The following FYN variants were observed in gnomAD, a reference collection of about 807,000 sequenced individuals.
FYN encodes FYN proto-oncogene, Src family tyrosine kinase.
FYN carries 10 observed loss-of-function variants against 70.2 expected under a neutral mutation model. That is an observed-to-expected ratio of 0.14 (90% CI 0.09 to 0.24). The LOEUF is 0.24. Among genes scored for constraint, FYN ranks in the 10% least tolerant of loss-of-function variants. The pLI is 1.00. For synonymous variants in FYN, 236 were observed against 248.6 expected (o/e 0.95, Z 0.48); for missense variants, 319 against 673.1 (o/e 0.47, Z 5.82).
At chr6:111,847,678 A>G (rs1016208941) in intron 1 of FYN, among the ~76,000 whole-genome samples, 4 of 152,124 alleles carry the variant, frequency 2.6e-5, no homozygotes, top group Non-Finnish European at 5.9e-5. Context: ...CACACACACA[A>G]GAATTTTTGC....
chr6:111,682,288 G>A (rs572139654), intron 12 of FYN, among the ~76,000 whole-genome samples: 1 of 152,236 alleles, frequency 6.6e-6, no homozygotes, highest in African/African-American at 2.4e-5. Flanking sequence ...TCATACGACA[G>A]CACAGCCTGA....
rs148090425 is a variant in FYN, at chr6:111,722,313, T to C, written c.-11-2251A>G. On this transcript the variant is annotated intron_variant, in intron 3 of 13. Coordinates refer to ENST00000354650, the MANE Select transcript of FYN (RefSeq NM_002037.5). The stretch of plus-strand genomic sequence containing the variant: ...AACTTACAGTATACCGTGCCCAACA[T>C]GCTTTGTAACTTATGGTAAATGGAT... 2.7e-3 allele frequency among the ~76,000 whole-genome samples: 411 copies of C among 152,318 alleles called. 2 individuals are homozygous for C. The highest frequency in any genetic ancestry group is 9.6e-3 in the African/African-American group (397 of 41,560).
At chr6:111,774,696 C>T (rs894217731) in intron 3 of FYN, among the ~76,000 whole-genome samples, 3 of 151,716 alleles carry the variant, frequency 2.0e-5, no homozygotes, top group Admixed American at 2.0e-4. Flanking sequence ...GCAGCTTTTT[C>T]CCCCCCTACT....
chr6:111,721,088 C>T (rs1382244347), intron 3 of FYN, among the ~76,000 whole-genome samples: 1 of 152,168 alleles, frequency 6.6e-6, no homozygotes, highest in East Asian at 1.9e-4. Context: ...CACTTTTTCC[C>T]CTTCCTCTTT....
At chr6:111,753,327 T>C (rs930645988) in intron 3 of FYN, among the ~76,000 whole-genome samples, 7 of 152,090 alleles carry the variant, frequency 4.6e-5, no homozygotes, top group Non-Finnish European at 7.4e-5. Context: ...GGGAATAAGA[T>C]AGGAAAATGT....
intron 12 of FYN, among the ~76,000 whole-genome samples, chr6:111,692,476 C>T (rs1799378159): frequency 6.6e-6 from 1 of 152,066 alleles, no homozygotes; most frequent in Non-Finnish European, 1.5e-5. Context: ...TCACCTAGGG[C>T]CACAGCCTGA....
intron 3 of FYN, among the ~76,000 whole-genome samples, chr6:111,722,693 G>T (rs1239866889): frequency 6.6e-6 from 1 of 152,124 alleles, no homozygotes; most frequent in African/African-American, 2.4e-5. Flanking sequence ...GACATTTTGG[G>T]TTGTCACACT....
chr6:111,773,630 A>AGAGGGG (rs1803587376), intron 3 of FYN, among the ~76,000 whole-genome samples: 1 of 18,546 alleles, frequency 5.4e-5, no homozygotes, highest in Non-Finnish European at 8.1e-5. Flanking sequence ...GGGGGAAAGG[A>AGAGGGG]GAGGGGGAGG....
intron 3 of FYN, among the ~76,000 whole-genome samples, chr6:111,777,272 A>G (rs552871728): frequency 6.6e-6 from 1 of 152,330 alleles, no homozygotes; most frequent in East Asian, 1.9e-4. Flanking sequence ...ATAGCCTCTT[A>G]GCAGCCTTTC....
intron 3 of FYN, among the ~76,000 whole-genome samples, chr6:111,721,244 G>T (rs914964831): frequency 6.6e-6 from 1 of 152,090 alleles, no homozygotes; most frequent in Admixed American, 6.5e-5. Flanking sequence ...CACCCTTGGC[G>T]CCATATTAAA....
intron 2 of FYN, among the ~76,000 whole-genome samples, chr6:111,832,656 CA>C (rs1382632647): frequency 6.6e-6 from 1 of 152,038 alleles, no homozygotes; most frequent in African/African-American, 2.4e-5. Flanking sequence ...TCACAGTTTA[CA>C]TAATTAAATC....
intron 2 of FYN, among the ~76,000 whole-genome samples, chr6:111,843,935 C>T (rs967798405): frequency 5.9e-5 from 9 of 152,202 alleles, no homozygotes; most frequent in Non-Finnish European, 1.0e-4. Context: ...ACAAATGCCG[C>T]TTTCTTAGAA....
At chr6:111,802,955 AG>A (rs1181344305) in intron 2 of FYN, among the ~76,000 whole-genome samples, 1 of 152,244 alleles carries the variant, frequency 6.6e-6, no homozygotes, top group Non-Finnish European at 1.5e-5. Context: ...TTTCTTGGCT[AG>A]GAAATCGTAT....
At chr6:111,734,845 A>C (rs1183177088) in intron 3 of FYN, among the ~76,000 whole-genome samples, 1 of 152,214 alleles carries the variant, frequency 6.6e-6, no homozygotes, top group East Asian at 1.9e-4. Context: ...TTCAACAAGC[A>C]TATTTTGATC....
chr6:111,861,606 T>C (rs1773965228), intron 1 of FYN, among the ~76,000 whole-genome samples: 1 of 152,148 alleles, frequency 6.6e-6, no homozygotes, highest in Non-Finnish European at 1.5e-5. Context: ...ACAGAAAGTG[T>C]TCTTATTGCT....
At chr6:111,845,510 T>A (rs1773500801) in intron 2 of FYN, among the ~76,000 whole-genome samples, 1 of 152,188 alleles carries the variant, frequency 6.6e-6, no homozygotes, top group African/African-American at 2.4e-5. Context: ...GGGTCAAAGG[T>A]CAGGAGTTAC....
chr6:111,665,260 T>C (rs981999819), intron 13 of FYN, among the ~76,000 whole-genome samples: 1 of 152,250 alleles, frequency 6.6e-6, no homozygotes, highest in African/African-American at 2.4e-5. Flanking sequence ...ATTTTGAATT[T>C]CATATTTTTG....
At chr6:111,841,625 A>G (rs1358508747) in intron 2 of FYN, among the ~76,000 whole-genome samples, 1 of 152,230 alleles carries the variant, frequency 6.6e-6, no homozygotes, top group Non-Finnish European at 1.5e-5. Flanking sequence ...GTTAATGTGT[A>G]AAGAATGAAT....
intron 4 of FYN, among the ~76,000 whole-genome samples, chr6:111,717,637 ATT>A: frequency 6.6e-6 from 1 of 151,666 alleles, no homozygotes; most frequent in Non-Finnish European, 1.5e-5. Flanking sequence ...AATTTTTTGT[ATT>A]TTTTAGTAGA....
Sources: gnomAD v4.1 joint callset for allele counts (sites outside exome capture counted in the v4.1 genomes callset) on GRCh38, gnomAD v4.1.1 for gene constraint, MANE v1.5 for transcripts, NCBI Gene and HGNC (gene_info 2026-07-23, HGNC 2026-07-21) for gene names.